The following CDH18 variants were observed in gnomAD, a reference collection of about 807,000 sequenced individuals.
CDH18 encodes cadherin-18.
A neutral mutation model predicts 67.9 loss-of-function variants in CDH18; 31 were observed. The ratio of observed to expected loss-of-function variants is 0.46; its 90% CI spans 0.34 to 0.62. The LOEUF is 0.62. Among genes scored for constraint, CDH18 ranks in the 20% least tolerant of loss-of-function variants. The pLI is 0.01. For synonymous variants in CDH18, 362 were observed against 347.2 expected, an observed-to-expected ratio of 1.04 and a Z score of -0.48; for missense variants, 890 against 975.5, an observed-to-expected ratio of 0.91 and a Z score of 1.17.
At position 20,440,344 on chromosome 5, in the gene CDH18, G is replaced by A. The variant is rs569550720; in HGVS notation, c.-580+135118C>T. 3.3e-5 allele frequency among the ~76,000 whole-genome samples: 5 copies of A among 151,942 alleles called. No individual in the cohort carries two copies. The South Asian group carries it at 8.3e-4, about 25-fold the overall frequency. ...ATGTACAGCAGGCAAGACAGAGACCGTAACTATAGTGAAAGGTAAGTGGTG... is the reference window on the plus strand; with the variant it reads ...ATGTACAGCAGGCAAGACAGAGACCATAACTATAGTGAAAGGTAAGTGGTG... On this transcript the variant is annotated intron_variant, in intron 1 of 14. Coordinates refer to the CDH18 transcript ENST00000507958.
At chr5:19,857,641 CAT>C (rs1784452289) in intron 2 of CDH18, among the ~76,000 whole-genome samples, 1 of 152,066 alleles carries the variant, frequency 6.6e-6, no homozygotes, top group South Asian at 2.1e-4. Context: ...CATTGTGAAT[CAT>C]GACTTTCTTT....
intron 2 of CDH18, among the ~76,000 whole-genome samples, chr5:19,878,392 A>G (rs1787271131): frequency 6.6e-6 from 1 of 152,096 alleles, no homozygotes; most frequent in Admixed American, 6.6e-5. Context: ...CAGAATACAA[A>G]CATACGGCAC....
intron 5 of CDH18, among the ~76,000 whole-genome samples, chr5:19,705,401 C>T (rs112980168): frequency 5.9e-5 from 9 of 152,202 alleles, no homozygotes; most frequent in South Asian, 4.1e-4. Flanking sequence ...TAATTGGATA[C>T]GACCTGCCCT....
chr5:19,662,232 G>A (rs1186996309), intron 5 of CDH18, among the ~76,000 whole-genome samples: 2 of 150,444 alleles, frequency 1.3e-5, no homozygotes, highest in Admixed American at 1.3e-4. Context: ...TTTTACTTGC[G>A]TCCCATTTTT....
chr5:20,385,851 T>C (rs193223952), intron 1 of CDH18, among the ~76,000 whole-genome samples: 2 of 152,294 alleles, frequency 1.3e-5, no homozygotes, highest in Non-Finnish European at 2.9e-5. Context: ...AAACAATCAA[T>C]TTTCACTATT....
At chr5:20,002,220 A>C (rs1736504529) in intron 2 of CDH18, among the ~76,000 whole-genome samples, 1 of 152,236 alleles carries the variant, frequency 6.6e-6, no homozygotes, top group Non-Finnish European at 1.5e-5. Flanking sequence ...CTATTGAAAC[A>C]TCATTGGCCC....
intron 5 of CDH18, among the ~76,000 whole-genome samples, chr5:19,630,887 G>A (rs1406093451): frequency 6.6e-6 from 1 of 151,996 alleles, no homozygotes; most frequent in African/African-American, 2.4e-5. Context: ...GAATTAACAT[G>A]GCAAATAATG....
At chr5:20,122,104 T>G (rs1035163327) in intron 2 of CDH18, among the ~76,000 whole-genome samples, 1 of 152,182 alleles carries the variant, frequency 6.6e-6, no homozygotes, top group Non-Finnish European at 1.5e-5. Context: ...AAGGGTAATA[T>G]AATTTCTTGC....
At chr5:19,728,066 A>G (rs910705111) in intron 4 of CDH18, among the ~76,000 whole-genome samples, 29 of 152,188 alleles carry the variant, frequency 1.9e-4, no homozygotes, top group African/African-American at 6.0e-4. Flanking sequence ...TCTACGTGCT[A>G]GACTTCAAAA....
At chr5:20,518,593 T>A (rs187616407) in intron 1 of CDH18, among the ~76,000 whole-genome samples, 149 of 152,284 alleles carry the variant, frequency 9.8e-4, no homozygotes, top group African/African-American at 3.3e-3. Flanking sequence ...TTGTAGTTAG[T>A]TGACAGACAG....
At chr5:19,996,088 C>CGATA (rs1735991873) in intron 2 of CDH18, among the ~76,000 whole-genome samples, 1 of 152,168 alleles carries the variant, frequency 6.6e-6, no homozygotes, top group African/African-American at 2.4e-5. Flanking sequence ...TGAATCAGAA[C>CGATA]TTAAGGTTGA....
chr5:20,424,012 C>T (rs1338318961), intron 1 of CDH18, among the ~76,000 whole-genome samples: 1 of 143,232 alleles, frequency 7.0e-6, no homozygotes, highest in Non-Finnish European at 1.5e-5. Context: ...ACATGAAAGT[C>T]AGTAAAGAAC....
intron 1 of CDH18, among the ~76,000 whole-genome samples, chr5:20,551,626 A>G (rs756533303): frequency 6.6e-6 from 1 of 152,174 alleles, no homozygotes; most frequent in African/African-American, 2.4e-5. Context: ...CTGTTATTCA[A>G]CTGGAGTCCC....
intron 1 of CDH18, among the ~76,000 whole-genome samples, chr5:20,273,364 A>G (rs1745576914): frequency 1.3e-5 from 2 of 152,040 alleles, no homozygotes; most frequent in African/African-American, 4.8e-5. Flanking sequence ...ATTAAGGTCG[A>G]CTGGAGTAAA....
At chr5:20,568,507 T>C (rs527356746) in intron 1 of CDH18, among the ~76,000 whole-genome samples, 2 of 152,298 alleles carry the variant, frequency 1.3e-5, no homozygotes, top group Non-Finnish European at 2.9e-5. Context: ...GTAGAAATGA[T>C]ACCCTAAGAC....
chr5:19,755,440 TATATATATATATATATATACACAC>T (rs1771434658), intron 3 of CDH18, among the ~76,000 whole-genome samples: 1 of 11,066 alleles, frequency 9.0e-5, no homozygotes, highest in Admixed American at 2.1e-3. Context: ...TGTATATATA[TATATATATATATATATATACACAC>T]ACACACACAC....
intron 1 of CDH18, among the ~76,000 whole-genome samples, chr5:20,334,295 G>C (rs565309178): frequency 9.3e-5 from 14 of 150,828 alleles, no homozygotes; most frequent in African/African-American, 3.2e-4. Context: ...CACCTCGCCC[G>C]GCTAATTTTT....
At chr5:20,117,864 A>T (rs1242255117) in intron 2 of CDH18, among the ~76,000 whole-genome samples, 1 of 152,184 alleles carries the variant, frequency 6.6e-6, no homozygotes, top group African/African-American at 2.4e-5. Context: ...AACTTTTTTT[A>T]AAAGAATAGC....
intron 2 of CDH18, among the ~76,000 whole-genome samples, chr5:20,217,095 C>G (rs2126423587): frequency 6.6e-6 from 1 of 151,816 alleles, no homozygotes; most frequent in African/African-American, 2.4e-5. Context: ...ACAAACAAAG[C>G]TGAGGGATTT....
Sources: gnomAD v4.1 joint callset for allele counts (sites outside exome capture counted in the v4.1 genomes callset) on GRCh38, gnomAD v4.1.1 for gene constraint, MANE v1.5 for transcripts, NCBI Gene and HGNC (gene_info 2026-07-23, HGNC 2026-07-21) for gene names.